CHST6: variants seen among roughly 807,000 people sequenced by gnomAD.
CHST6 encodes the protein carbohydrate sulfotransferase 6.
For synonymous variants in CHST6, 309 were observed against 276.4 expected, an observed-to-expected ratio of 1.12 and a Z score of -1.17; for missense variants, 698 against 586.2, an observed-to-expected ratio of 1.19 and a Z score of -1.97.
rs569882323 is a variant in CHST6 at position 75,480,676 on chromosome 16, C to G, written c.-16-832G>C. Reference sequence around the variant, plus strand: ...GGGCGTGGTGGCTCACGCCTGTAATCCCAGCACTTTGGGAGGCCGAGGTGG... The same window carrying G: ...GGGCGTGGTGGCTCACGCCTGTAATGCCAGCACTTTGGGAGGCCGAGGTGG... On this transcript the variant is annotated intron_variant, in intron 2 of 2. Coordinates refer to ENST00000332272, the MANE Select transcript of CHST6 (RefSeq NM_021615.5). 1.7e-3 allele frequency among the ~76,000 whole-genome samples: 265 copies of G among 151,884 alleles called. 2 individuals carry two copies. In the South Asian group the frequency reaches 0.024, roughly 14 times the overall value.
intron 1 of CHST6, among the ~76,000 whole-genome samples, chr16:75,493,925 A>C (rs1219987317): frequency 1.3e-5 from 2 of 151,996 alleles, no homozygotes; most frequent in Non-Finnish European, 2.9e-5. Flanking sequence ...GCTCACTGCA[A>C]CCTCCGCCTC....
At chr16:75,487,827 A>AT (rs1458781185) in intron 1 of CHST6, among the ~76,000 whole-genome samples, 8 of 150,124 alleles carry the variant, frequency 5.3e-5, no homozygotes, top group Non-Finnish European at 1.2e-4. Flanking sequence ...AAAAAAAAAA[A>AT]AAGAGAAAAA....
intron 1 of CHST6, among the ~76,000 whole-genome samples, chr16:75,490,260 C>T (rs542197065): frequency 2.6e-5 from 4 of 151,254 alleles, no homozygotes; most frequent in Non-Finnish European, 5.9e-5. Context: ...TGGTGGATCA[C>T]CTGAGGTCGG....
At chr16:75,481,641 A>C (rs996066369) in intron 2 of CHST6, among the ~76,000 whole-genome samples, 176 bp downstream of exon 2, 1 of 152,216 alleles carries the variant, frequency 6.6e-6, no homozygotes, top group African/African-American at 2.4e-5. Context: ...AAAGAACACC[A>C]ATTGTTGCCA....
chr16:75,479,023 CG>C lies in CHST6; in HGVS notation c.805del (p.Arg269AlafsTer112), dbSNP rs2080102190. ...KPPPFLRGRY[R>X]LVRFEDLARE... ...CGCCAGGTCCTCGAAGCGCACCAGG[CG>C]GTAGCGGCCGCGCAGAAAGGGTGGC... On this transcript the variant is annotated frameshift_variant, in exon 3 of 3. Transcript: ENST00000332272. LOFTEE classifies it low-confidence loss of function (END_TRUNC). 1.9e-6 allele frequency: 3 copies of C among 1,610,322 alleles called. No individual in the cohort carries two copies. The highest frequency in any genetic ancestry group is 1.7e-6 in the Non-Finnish European group (2 of 1,179,830).
chr16:75,478,663 G>A lies in CHST6; in HGVS notation c.1166C>T (p.Thr389Ile), dbSNP rs770127660. The A allele has an allele frequency of 1.2e-6, 2 of 1,613,580 alleles. No homozygotes were observed. The highest frequency in any genetic ancestry group is 3.3e-5 in the Admixed American group (2 of 60,006). The stretch of plus-strand genomic sequence containing the variant: ...CCACTAATTTCGGGGGTGCGAGGCG[G>A]TGGATGATGCCCAAGTGAAGCCGTT... ...GLNGFTWASS[T>I]ASHPRN is the part of the protein sequence containing the mutation. Residue 389 changes from threonine (T) to isoleucine (I), a missense_variant, in exon 3 of 3, where the codon ACC (threonine) becomes ATC (isoleucine). Thr to Ile is a moderately conservative substitution (Grantham distance 89). Transcript: ENST00000332272.
At chr16:75,493,748 A>AGGTGCCCC (rs1239634617) in intron 1 of CHST6, among the ~76,000 whole-genome samples, 1 of 152,190 alleles carries the variant, frequency 6.6e-6, no homozygotes, top group Non-Finnish European at 1.5e-5. Flanking sequence ...TACCAGATTC[A>AGGTGCCCC]GGTGCCCCAG....
At chr16:75,491,221 A>AT (rs1567416195) in intron 1 of CHST6, among the ~76,000 whole-genome samples, 1 of 134,274 alleles carries the variant, frequency 7.4e-6, no homozygotes, top group African/African-American at 2.9e-5. Flanking sequence ...ATATATATAA[A>AT]ATATAATATA....
intron 1 of CHST6, among the ~76,000 whole-genome samples, chr16:75,483,862 A>G (rs1173953896): frequency 6.6e-6 from 1 of 151,666 alleles, no homozygotes; most frequent in African/African-American, 2.4e-5. Flanking sequence ...CATCTCTACT[A>G]AAAATACAAA....
rs1187998480 is a variant in CHST6, at chr16:75,479,069, C to A, written c.760G>T (p.Glu254Ter). ...GGTGGCGGCTTGAGTGTGGCGGCCT[C>A]GGCGATGCGTACGTGGCTACGGCAC... ...EVCRSHVRIA[E>*]AATLKPPPFL... The change falls in exon 3 of 3, where the codon GAG becomes TAG. Residue 254 changes from glutamate to a stop codon, truncating the protein, a stop_gained. Transcript: ENST00000332272. LOFTEE classifies it low-confidence loss of function (END_TRUNC). 1.2e-6 allele frequency: 2 copies of A among 1,606,366 alleles called. No homozygotes were observed. The highest frequency in any genetic ancestry group is 4.5e-5 in the East Asian group (2 of 44,870).
Position 75,477,161 on chromosome 16 carries a change from T to G in CHST6, c.*1480A>C, listed in dbSNP as rs575882055. ...GTTTTAAATACCTTCCTCCTATAAT[T>G]GTCACGAGGGACAGATTCAAGTTTC... is the stretch of plus-strand genomic sequence containing the variant. On this transcript the variant is annotated 3_prime_UTR_variant, in exon 3 of 3. Transcript: ENST00000332272. 6.6e-6 allele frequency: 1 copy of G among 152,354 alleles called. No individual in the cohort carries two copies. Among genetic ancestry groups the G allele is most frequent in the African/African-American group, 2.4e-5 (1 of 41,584 alleles). The allele number at this position is 152,354 out of a possible 1,614,324, so 9.4% of individuals were successfully genotyped here.
At position 75,479,742 on chromosome 16, in the gene CHST6, T is replaced by C. The variant is rs765057891; in HGVS notation, c.87A>G (p.Pro29=). Reference sequence around the variant, plus strand: ...CGCCGCCTGCTGGGGACGAGGGCCCTGGCCGGGAAACCAGAAAGAGGAGGA... The same window carrying C: ...CGCCGCCTGCTGGGGACGAGGGCCCCGGCCGGGAAACCAGAAAGAGGAGGA... ...TFLLLFLVSR[P]GPSSPAGGEA... Residue 29 remains proline (P), a synonymous_variant, in exon 3 of 3, where the codon CCA becomes CCG. Coordinates refer to ENST00000332272, the MANE Select transcript of CHST6 (RefSeq NM_021615.5). 2.5e-6 allele frequency: 4 copies of C among 1,604,494 alleles called. No homozygotes were observed. The highest frequency in any genetic ancestry group is 4.5e-5 in the East Asian group (2 of 44,570).
chr16:75,479,393 C>T lies in CHST6; in HGVS notation c.436G>A (p.Glu146Lys), dbSNP rs926081915. 2 of 1,612,620 alleles carry T rather than the reference C, an allele frequency of 1.2e-6. No individual in the cohort carries two copies. The highest frequency in any genetic ancestry group is 1.7e-6 in the Non-Finnish European group (2 of 1,179,824). ...SAFPRGAISS[E>K]AVCKPLCARQ... ...GCGCACAGTGGCTTGCACACGGCCT[C>T]GCTGCTGATGGCGCCTCGGGGAAAG... The change falls in exon 3 of 3, where the codon GAG (glutamate) becomes AAG (lysine). Residue 146 changes from glutamate (E) to lysine (K), a missense_variant. Physicochemically the swap from Glu to Lys is moderately conservative, Grantham distance 56. Coordinates refer to ENST00000332272, the MANE Select transcript of CHST6 (RefSeq NM_021615.5).
chr16:75,484,700 C>T (rs950899977), intron 1 of CHST6, among the ~76,000 whole-genome samples: 2 of 152,034 alleles, frequency 1.3e-5, no homozygotes, highest in East Asian at 1.9e-4. Context: ...AAAAATTAGC[C>T]GGGTGTGGTG....
intron 1 of CHST6, among the ~76,000 whole-genome samples, chr16:75,486,744 T>G (rs145925618): frequency 6.6e-6 from 1 of 152,328 alleles, no homozygotes; most frequent in African/African-American, 2.4e-5. Flanking sequence ...AGGGAAGCAT[T>G]CACTTTCTGC....
chr16:75,475,362 G>C lies in CHST6; in HGVS notation c.*3279C>G, dbSNP rs1046591032. On this transcript the variant is annotated 3_prime_UTR_variant, in exon 3 of 3. Transcript: ENST00000332272. ...GTCACAGGACCAGCCTGGATTCAGA[G>C]GTGGAGAAACAGACTCTACTTCTTG... The C allele has an allele frequency of 1.3e-5, 2 of 152,384 alleles. No homozygotes were observed. The allele number at this position is 152,384 out of a possible 1,614,324, so 9.4% of individuals were successfully genotyped here.
intron 1 of CHST6, 128 bp from the exon 2 acceptor site, chr16:75,482,019 C>CTAT (rs3884080): frequency 0.61 from 221,679 of 364,530 alleles, 68,830 homozygotes; most frequent in Admixed American, 0.73. Flanking sequence ...CCTCTTAGGG[C>CTAT]TGTGAGATGC....
rs556150052 is a variant in CHST6, at chr16:75,480,564, T to G, written c.-16-720A>C. Among the ~76,000 whole-genome samples the G allele has an allele frequency of 2.8e-4, 29 of 102,678 alleles. No homozygotes were observed. The East Asian group carries it at 6.0e-3, about 21-fold the overall frequency. The allele number at this position is 102,678 out of a possible 152,430, so 67.4% of individuals were successfully genotyped here. A position where few individuals can be genotyped will look rare whatever the true frequency, so the allele number is the denominator to read the frequency against. On this transcript the variant is annotated intron_variant, in intron 2 of 2. Coordinates refer to ENST00000332272, the MANE Select transcript of CHST6 (RefSeq NM_021615.5). ...CTTGCTACAGCGTGTGCTTCTGCAG[T>G]GTATGATTTTTTTTTTTTTAAATAG... is the stretch of plus-strand genomic sequence containing the variant.
Position 75,478,589 on chromosome 16 carries a change from G to A in CHST6, c.*52C>T. The A allele has an allele frequency of 6.3e-7, 1 of 1,586,172 alleles. No individual in the cohort carries two copies. Among genetic ancestry groups the A allele is most frequent in the Non-Finnish European group, 8.7e-7 (1 of 1,155,414 alleles). ...TTCTCCGTGCGCCCCAGCCCCCTCTGCACCATGCACTCTCCTCCCGGGCCT... is the reference window on the plus strand; with the variant it reads ...TTCTCCGTGCGCCCCAGCCCCCTCTACACCATGCACTCTCCTCCCGGGCCT... On this transcript the variant is annotated 3_prime_UTR_variant, in exon 3 of 3. Coordinates refer to ENST00000332272, the MANE Select transcript of CHST6 (RefSeq NM_021615.5).
Sources: allele counts gnomAD v4.1 joint callset (sites outside exome capture counted in the v4.1 genomes callset), GRCh38; gene constraint gnomAD v4.1.1; transcripts MANE v1.5; gene names NCBI Gene and HGNC (gene_info 2026-07-23, HGNC 2026-07-21).